PPP2R1B: variants seen among roughly 807,000 people sequenced by gnomAD.
PPP2R1B encodes the protein serine/threonine-protein phosphatase 2A 65 kDa regulatory subunit A beta isoform.
In PPP2R1B, 58 loss-of-function variants were observed where a neutral mutation model predicts 72.7. That is an observed-to-expected ratio of 0.80 (90% CI 0.65 to 0.99). The LOEUF (loss-of-function observed/expected upper bound fraction) is 0.99, where lower values mean the gene tolerates loss of function less well. PPP2R1B is among the 50% of genes least tolerant of loss of function. The probability of loss-of-function intolerance (pLI) is 0.00; values close to 1 mark genes in which losing one functional copy is unlikely to be tolerated. For missense variants in PPP2R1B, 695 were observed against 733.6 expected, an observed-to-expected ratio of 0.95 and a Z score of 0.61; for synonymous variants, 256 against 264.6, an observed-to-expected ratio of 0.97 and a Z score of 0.32.
chr11:111,747,340 C>T (rs2136061554), intron 11 of PPP2R1B, among the ~76,000 whole-genome samples: 1 of 152,318 alleles, frequency 6.6e-6, no homozygotes, highest in South Asian at 2.1e-4. Flanking sequence ...AAGTCACTTG[C>T]TCATTCCTGC....
intron 8 of PPP2R1B, among the ~76,000 whole-genome samples, 169 bp downstream of exon 8, chr11:111,754,330 G>C (rs1945020968): frequency 6.6e-6 from 1 of 152,146 alleles, no homozygotes; most frequent in Non-Finnish European, 1.5e-5. Context: ...CAATTACAAT[G>C]GGCTAATAAG....
Position 111,752,202 on chromosome 11 carries a change from C to T in PPP2R1B, c.1295G>A (p.Arg432His), listed in dbSNP as rs1263526054. The T allele has an allele frequency of 2.5e-6, 4 of 1,613,720 alleles. No individual in the cohort carries two copies. Among genetic ancestry groups the T allele is most frequent in the Non-Finnish European group, 1.7e-6 (2 of 1,179,842 alleles). The change falls in exon 10 of 15, where the codon CGC (arginine) becomes CAC (histidine). Residue 432 changes from arginine (R) to histidine (H), a missense_variant. By Grantham distance (29) the Arg-to-His change is conservative. Transcript: ENST00000527614. ...ELAEDAKWRVRLAIIEYMPLL... is the reference protein window; with the variant it reads ...ELAEDAKWRVHLAIIEYMPLL... ...CGGCATATACTCAATGATGGCCAGG[C>T]GGACCCTCCATTTGGCATCTTCTGC...
At chr11:111,690,580 A>C in the PPP2R1B span, among the ~76,000 whole-genome samples, 1 of 152,004 alleles carries the variant, frequency 6.6e-6, no homozygotes, top group Non-Finnish European at 1.5e-5. Flanking sequence ...TGCATGGATT[A>C]GGTATTTGTC....
the PPP2R1B span, chr11:111,719,757 C>T: frequency 2.5e-6 from 4 of 1,605,672 alleles, no homozygotes; most frequent in Non-Finnish European, 3.4e-6. Context: ...TGAGTTTCCT[C>T]TCTCCCCTGG....
At chr11:111,715,769 C>T in the PPP2R1B span, among the ~76,000 whole-genome samples, 206 of 148,602 alleles carry the variant, frequency 1.4e-3, no homozygotes, top group Non-Finnish European at 1.6e-3. Flanking sequence ...CATACATATA[C>T]ACGCACACTT....
the PPP2R1B span, among the ~76,000 whole-genome samples, chr11:111,711,478 A>G: frequency 6.6e-6 from 1 of 152,220 alleles, no homozygotes; most frequent in African/African-American, 2.4e-5. Context: ...GTAGTTAACA[A>G]ACGAGACGTG....
chr11:111,742,060 A>C lies in PPP2R1B; in HGVS notation c.1782T>G (p.Ala594=). Residue 594 remains alanine, a synonymous_variant, in exon 14 of 15, where the codon GCT becomes GCG. Transcript: ENST00000527614. ...DMDVKYFAQE[A]ISVLALA ...AAAGAAGGAAATACATACCACTTAT[A>C]GCTTCCTGTGCAAAGTATTTGACAT... is the stretch of plus-strand genomic sequence containing the variant. 1 of 1,612,250 alleles carries C rather than the reference A, an allele frequency of 6.2e-7. No homozygotes were observed. The highest frequency in any genetic ancestry group is 8.5e-7 in the Non-Finnish European group (1 of 1,178,290).
At chr11:111,704,948 T>C in the PPP2R1B span, 1 of 1,563,226 alleles carries the variant, frequency 6.4e-7, no homozygotes, top group Non-Finnish European at 8.6e-7. Context: ...GCATTGGTCT[T>C]TACAGTTCTT....
chr11:111,689,724 A>G, the PPP2R1B span, among the ~76,000 whole-genome samples: 1 of 152,198 alleles, frequency 6.6e-6, no homozygotes, highest in Non-Finnish European at 1.5e-5. Flanking sequence ...TATATGGTGT[A>G]AAATATAAGG....
At chr11:111,705,013 C>T in the PPP2R1B span, 1 of 1,608,210 alleles carries the variant, frequency 6.2e-7, no homozygotes, top group Admixed American at 1.7e-5. This position sits in a 1 kb window ranked among gnomAD's most constrained non-coding sequence, Gnocchi z 4.3. Flanking sequence ...GCTATAACCA[C>T]TTTGCTGCCA....
the PPP2R1B span, chr11:111,705,144 T>C: frequency 6.4e-7 from 1 of 1,560,834 alleles, no homozygotes; most frequent in Non-Finnish European, 8.6e-7. The surrounding 1 kb of genome is among the most constrained non-coding windows in gnomAD (Gnocchi z 4.3). Context: ...GCCAAGGTAA[T>C]GCCCCCTTAG....
chr11:111,748,069 T>C lies in PPP2R1B; in HGVS notation c.1339-55A>G. 7.1e-6 allele frequency: 11 copies of C among 1,539,066 alleles called. No individual in the cohort carries two copies. The South Asian group carries it at 7.9e-5, about 11-fold the overall frequency. Reference sequence around the variant, plus strand: ...CATTGCCAAAATTCAGAAATAAAGATGGTCTATTTACATTACACCAAGGTT... The same window carrying C: ...CATTGCCAAAATTCAGAAATAAAGACGGTCTATTTACATTACACCAAGGTT... On this transcript the variant is annotated intron_variant, in intron 10 of 14. Transcript: ENST00000527614.
At chr11:111,718,036 A>G in the PPP2R1B span, among the ~76,000 whole-genome samples, 2 of 152,210 alleles carry the variant, frequency 1.3e-5, no homozygotes, top group African/African-American at 4.8e-5. Context: ...CTATGTAACA[A>G]ACCTGCACAT....
the PPP2R1B span, among the ~76,000 whole-genome samples, chr11:111,694,396 C>T: frequency 6.6e-6 from 1 of 152,024 alleles, no homozygotes. Context: ...ATTAATCTGA[C>T]CTGTACATCA....
At chr11:111,712,363 G>T in the PPP2R1B span, 1 of 1,613,988 alleles carries the variant, frequency 6.2e-7, no homozygotes, top group Non-Finnish European at 8.5e-7. Flanking sequence ...AAGAGTGTGT[G>T]GACACTCCAA....
chr11:111,764,134 A>G lies in PPP2R1B; in HGVS notation c.306+671T>C, dbSNP rs933476921. Among the ~76,000 whole-genome samples, 3 of 151,982 alleles carry G rather than the reference A, an allele frequency of 2.0e-5. No homozygotes were observed. In the South Asian group the frequency reaches 6.3e-4, roughly 32 times the overall value. On this transcript the variant is annotated intron_variant, in intron 3 of 14. Transcript: ENST00000527614. Reference sequence around the variant, plus strand: ...TTACGTGGGTATTTTGTGGGTACTTATATCTTTCCATTTACGACTGCACGG... The same window carrying G: ...TTACGTGGGTATTTTGTGGGTACTTGTATCTTTCCATTTACGACTGCACGG...
At chr11:111,705,190 G>A in the PPP2R1B span, 1 of 1,465,104 alleles carries the variant, frequency 6.8e-7, no homozygotes. The surrounding 1 kb of genome is among the most constrained non-coding windows in gnomAD (Gnocchi z 4.3). Flanking sequence ...CTGTTCACAT[G>A]TTTGATACAT....
chr11:111,740,860 T>C lies in PPP2R1B; in HGVS notation c.*736A>G. On this transcript the variant is annotated 3_prime_UTR_variant, in exon 15 of 15. Transcript: ENST00000527614. ...TATTAGGAGGCACTACAGTTAAAGCTTTTTAGAAAAGAGAGAGAAGTATTT... is the reference window on the plus strand; with the variant it reads ...TATTAGGAGGCACTACAGTTAAAGCCTTTTAGAAAAGAGAGAGAAGTATTT... The C allele has an allele frequency of 1.0e-6, 1 of 985,450 alleles. No individual in the cohort carries two copies. Among genetic ancestry groups the C allele is most frequent in the Non-Finnish European group, 1.2e-6 (1 of 829,950 alleles). The allele number at this position is 985,450 out of a possible 1,614,324, so 61.0% of individuals were successfully genotyped here.
chr11:111,698,585 T>A, the PPP2R1B span, among the ~76,000 whole-genome samples: 1 of 152,092 alleles, frequency 6.6e-6, no homozygotes, highest in Non-Finnish European at 1.5e-5. Flanking sequence ...CTACTAAAAA[T>A]ACAAAAATTA....
Sources: gnomAD v4.1 joint callset for allele counts (sites outside exome capture counted in the v4.1 genomes callset) on GRCh38, gnomAD v4.1.1 for gene constraint, Gnocchi (gnomAD v3.1) non-coding constraint, MANE v1.5 for transcripts, NCBI Gene and HGNC (gene_info 2026-07-23, HGNC 2026-07-21) for gene names.